Variants in SLCO3A1 observed in about 807,000 individuals in gnomAD.
The protein encoded by SLCO3A1 is PGE1 transporter.
In SLCO3A1, 27 loss-of-function variants were observed where a neutral mutation model predicts 63.1. The ratio of observed to expected loss-of-function variants is 0.43; its 90% CI spans 0.32 to 0.59. SLCO3A1 has a LOEUF of 0.59. Among genes scored for constraint, SLCO3A1 ranks in the 20% least tolerant of loss-of-function variants. The pLI is 0.09. For missense variants in SLCO3A1, 773 were observed against 945.8 expected, an observed-to-expected ratio of 0.82 and a Z score of 2.40; for synonymous variants, 473 against 409.9, an observed-to-expected ratio of 1.15 and a Z score of -1.86.
At chr15:91,920,611 T>C (rs1379463163) in intron 2 of SLCO3A1, among the ~76,000 whole-genome samples, 2 of 152,208 alleles carry the variant, frequency 1.3e-5, no homozygotes, top group African/African-American at 4.8e-5. Flanking sequence ...ACTGATCTGT[T>C]GCATCTTTCG....
At chr15:91,973,712 AG>A (rs1900974930) in intron 2 of SLCO3A1, among the ~76,000 whole-genome samples, 1 of 152,086 alleles carries the variant, frequency 6.6e-6, no homozygotes, top group East Asian at 1.9e-4. Flanking sequence ...TCTAGTGGGG[AG>A]AGGCTGCGGA....
At chr15:91,895,219 A>G (rs925240880) in intron 1 of SLCO3A1, among the ~76,000 whole-genome samples, 2 of 152,204 alleles carry the variant, frequency 1.3e-5, no homozygotes, top group Admixed American at 6.5e-5. Context: ...TGCTAGTAAC[A>G]CAGTGCACTT....
intron 2 of SLCO3A1, among the ~76,000 whole-genome samples, chr15:91,943,406 T>C (rs1173280673): frequency 1.3e-5 from 2 of 152,234 alleles, no homozygotes; most frequent in African/African-American, 4.8e-5. Context: ...TTGTAGCCTG[T>C]GTCAGAATTT....
chr15:92,162,490 G>A (rs1031563993), intron 9 of SLCO3A1: 2 of 432,826 alleles, frequency 4.6e-6, no homozygotes, highest in Non-Finnish European at 8.1e-6. Context: ...CAGCCATCTG[G>A]TGAAGACTGT....
At chr15:92,001,777 C>G (rs930191813) in intron 2 of SLCO3A1, among the ~76,000 whole-genome samples, 1 of 150,656 alleles carries the variant, frequency 6.6e-6, no homozygotes, top group Non-Finnish European at 1.5e-5. Flanking sequence ...TGCACTTTGC[C>G]GGGCATTTTA....
chr15:92,098,983 A>T (rs993082472), intron 3 of SLCO3A1, among the ~76,000 whole-genome samples: 3 of 152,214 alleles, frequency 2.0e-5, no homozygotes, highest in Non-Finnish European at 4.4e-5. Context: ...TCTGACCTCA[A>T]AGCCCCACTC....
At chr15:92,028,597 C>G (rs1158993997) in intron 2 of SLCO3A1, among the ~76,000 whole-genome samples, 1 of 152,128 alleles carries the variant, frequency 6.6e-6, no homozygotes, top group African/African-American at 2.4e-5. Context: ...AGAGCCCAGC[C>G]AATCCAATCA....
chr15:92,066,287 GGAAA>G, intron 2 of SLCO3A1, among the ~76,000 whole-genome samples: 2 of 152,330 alleles, frequency 1.3e-5, no homozygotes. Flanking sequence ...GTGACCCAAC[GGAAA>G]GAACCTGTTC....
At chr15:91,902,006 T>C (rs1185079582) in intron 1 of SLCO3A1, among the ~76,000 whole-genome samples, 1 of 152,190 alleles carries the variant, frequency 6.6e-6, no homozygotes, top group African/African-American at 2.4e-5. Context: ...TCTGTTCATT[T>C]TTCTTCTCTG....
intron 9 of SLCO3A1, among the ~76,000 whole-genome samples, chr15:92,151,777 A>C (rs113061985): frequency 7.9e-5 from 12 of 152,360 alleles, no homozygotes; most frequent in African/African-American, 2.9e-4. Flanking sequence ...AGTGGACTTT[A>C]AGTGGCATCT....
At position 91,916,270 on chromosome 15, in the gene SLCO3A1, A is replaced by G; in HGVS notation, c.458A>G (p.Asn153Ser). Residue 153 changes from asparagine (N) to serine (S), a missense_variant, in exon 2 of 10, where the codon AAC becomes AGC. Physicochemically the swap from Asn to Ser is conservative, Grantham distance 46 (BLOSUM62 1). This residue lies in a region of SLCO3A1 where 565 missense variants were observed against 749.8 expected (regional missense o/e 0.75). Coordinates refer to ENST00000318445, the MANE Select transcript of SLCO3A1 (RefSeq NM_013272.4). This position sits in a 1 kb window ranked among gnomAD's most constrained non-coding sequence, Gnocchi z 6.2. ...GAEGRDVCAA[N>S]GSGGDEGPDP... is the part of the protein sequence containing the mutation. ...GAGGGCCGCGACGTCTGCGCAGCCA[A>G]CGGCTCGGGCGGCGACGAGGGGCCC... The G allele has an allele frequency of 6.4e-7, 1 of 1,551,840 alleles. No individual in the cohort carries two copies. Among genetic ancestry groups the G allele is most frequent in the African/African-American group, 1.4e-5 (1 of 73,238 alleles).
At chr15:92,153,101 A>T (rs901888377) in intron 9 of SLCO3A1, among the ~76,000 whole-genome samples, 1 of 152,206 alleles carries the variant, frequency 6.6e-6, no homozygotes, top group African/African-American at 2.4e-5. Context: ...CAATATCTGT[A>T]TGTCTGCCCC....
At chr15:92,010,010 C>G (rs537234835) in intron 2 of SLCO3A1, among the ~76,000 whole-genome samples, 28 of 152,326 alleles carry the variant, frequency 1.8e-4, no homozygotes, top group African/African-American at 6.5e-4. Context: ...TGTAGCTCCT[C>G]CCTGCAATTT....
intron 2 of SLCO3A1, among the ~76,000 whole-genome samples, chr15:91,995,848 A>T (rs151168331): frequency 1.9e-4 from 29 of 152,280 alleles, no homozygotes; most frequent in African/African-American, 7.0e-4. Context: ...ACAAAGCAAT[A>T]CTCATAGAAA....
chr15:91,854,136 T>G lies in SLCO3A1; in HGVS notation c.180+48T>G. ...CCGCGGGCCCCTTCCCCAGCCCGGC[T>G]CTCGAGCGGCCGCCTGGCCCGACGA... On this transcript the variant is annotated intron_variant, in intron 1 of 9. Coordinates refer to ENST00000318445, the MANE Select transcript of SLCO3A1 (RefSeq NM_013272.4). The surrounding 1 kb of genome is among the most constrained non-coding windows in gnomAD (Gnocchi z 6.4). The G allele has an allele frequency of 7.4e-7, 1 of 1,359,078 alleles. No homozygotes were observed. Among genetic ancestry groups the G allele is most frequent in the Non-Finnish European group, 9.6e-7 (1 of 1,045,650 alleles). 84.2% of individuals were successfully genotyped at this position (1,359,078 alleles called of 1,614,324 possible).
chr15:91,887,667 C>A (rs946805713), intron 1 of SLCO3A1, among the ~76,000 whole-genome samples: 10 of 152,284 alleles, frequency 6.6e-5, no homozygotes, highest in African/African-American at 2.4e-4. Context: ...CTTCTGAGGC[C>A]TGCTGTTCTC....
intron 1 of SLCO3A1, among the ~76,000 whole-genome samples, chr15:91,879,351 A>T (rs773606538): frequency 1.3e-5 from 2 of 151,328 alleles, no homozygotes; most frequent in African/African-American, 2.4e-5. Context: ...TTTGAAGCAC[A>T]TTAGTTACTA....
Position 91,885,693 on chromosome 15 carries a change from C to T in SLCO3A1, c.181-30300C>T, listed in dbSNP as rs945268037. 2.6e-5 allele frequency among the ~76,000 whole-genome samples: 4 copies of T among 152,214 alleles called. No homozygotes were observed. Among genetic ancestry groups the T allele is most frequent in the African/African-American group, 9.7e-5 (4 of 41,442 alleles). ...ACAGTAGACAGTTTTAGGTAGATCC[C>T]TGCTGTGAGCAGACACATACATGCG... On this transcript the variant is annotated intron_variant, in intron 1 of 9. Transcript: ENST00000318445. This position sits in a 1 kb window ranked among gnomAD's most constrained non-coding sequence, Gnocchi z 4.7.
chr15:92,083,226 C>G (rs189352040), intron 2 of SLCO3A1, among the ~76,000 whole-genome samples: 1 of 152,328 alleles, frequency 6.6e-6, no homozygotes, highest in East Asian at 1.9e-4. Context: ...AAGCAAATCT[C>G]AAGATTCCTC....
Sources: allele counts gnomAD v4.1 joint callset (sites outside exome capture counted in the v4.1 genomes callset), GRCh38; gene constraint gnomAD v4.1.1; regional missense constraint gnomAD v4.1.1; non-coding constraint Gnocchi (gnomAD v3.1); transcripts MANE v1.5; gene names NCBI Gene and HGNC (gene_info 2026-07-23, HGNC 2026-07-21).